MINDY4: variants seen among roughly 807,000 people sequenced by gnomAD.
The protein encoded by MINDY4 is probable ubiquitin carboxyl-terminal hydrolase MINDY-4.
Under a neutral mutation model 87.0 loss-of-function variants are expected in MINDY4, and 68 were observed. The ratio of observed to expected loss-of-function variants is 0.78; its 90% CI spans 0.64 to 0.96. The LOEUF is 0.96. MINDY4 is among the 40% of genes least tolerant of loss of function. The pLI, the probability that MINDY4 is intolerant of heterozygous loss-of-function variation, is 0.00. For synonymous variants in MINDY4, 379 were observed against 363.2 expected, an observed-to-expected ratio of 1.04 and a Z score of -0.50; for missense variants, 919 against 928.2, an observed-to-expected ratio of 0.99 and a Z score of 0.13.
At chr7:30,789,242 C>T (rs954363509) in intron 4 of MINDY4, among the ~76,000 whole-genome samples, 11 of 152,172 alleles carry the variant, frequency 7.2e-5, no homozygotes, top group Admixed American at 3.9e-4. Flanking sequence ...AGTGGAGATG[C>T]CCTTTATACC....
intron 5 of MINDY4, among the ~76,000 whole-genome samples, chr7:30,815,824 G>C (rs1394437423): frequency 2.6e-5 from 4 of 152,324 alleles, no homozygotes; most frequent in East Asian, 3.9e-4. Flanking sequence ...AGGGCAGGGA[G>C]GTGTGAACTG....
intron 15 of MINDY4, 90 bp downstream of exon 15, chr7:30,875,746 C>G: frequency 5.7e-6 from 8 of 1,398,704 alleles, no homozygotes; most frequent in Non-Finnish European, 7.7e-6. Context: ...CTGGACTCCA[C>G]TTCTCAGAGC....
At chr7:30,782,534 T>C (rs1212211816) in intron 3 of MINDY4, among the ~76,000 whole-genome samples, 4 of 152,076 alleles carry the variant, frequency 2.6e-5, no homozygotes, top group African/African-American at 4.8e-5. Context: ...AGACCCTGTC[T>C]CTACAACAAC....
At chr7:30,889,114 A>G in intron 17 of MINDY4, among the ~76,000 whole-genome samples, 1 of 152,118 alleles carries the variant, frequency 6.6e-6, no homozygotes, top group Non-Finnish European at 1.5e-5. Flanking sequence ...CCCTTCTGCC[A>G]CCCTCTGGGA....
intron 10 of MINDY4, 67 bp downstream of exon 10, chr7:30,850,622 G>A: frequency 7.1e-7 from 1 of 1,406,468 alleles, no homozygotes; most frequent in Non-Finnish European, 9.8e-7. Context: ...CAAGCTGGCT[G>A]TGTATGCTCC....
At chr7:30,778,619 GC>G in intron 2 of MINDY4, 68 bp downstream of exon 2, 1 of 1,585,228 alleles carries the variant, frequency 6.3e-7, no homozygotes, top group Non-Finnish European at 8.7e-7. Flanking sequence ...GCACTCATGG[GC>G]CCTGCCAGTG....
intron 6 of MINDY4, among the ~76,000 whole-genome samples, chr7:30,829,474 A>G (rs1788631359): frequency 1.3e-5 from 2 of 152,222 alleles, no homozygotes; most frequent in Non-Finnish European, 2.9e-5. Flanking sequence ...TGGGCAGACA[A>G]GAGCTGTTCA....
At chr7:30,853,857 C>A (rs906079007) in intron 12 of MINDY4, among the ~76,000 whole-genome samples, 2 of 152,210 alleles carry the variant, frequency 1.3e-5, no homozygotes, top group African/African-American at 4.8e-5. Flanking sequence ...GGTCCTGGGA[C>A]CAGCTGGTGA....
At chr7:30,839,173 C>A (rs896721917) in intron 7 of MINDY4, 27 bp from the exon 8 acceptor site, 6 of 1,467,054 alleles carry the variant, frequency 4.1e-6, no homozygotes, top group Middle Eastern at 1.8e-4. Context: ...TTAAAACAAC[C>A]AGTAAAACTC....
chr7:30,819,437 C>T (rs1788257305), intron 5 of MINDY4, among the ~76,000 whole-genome samples: 1 of 152,150 alleles, frequency 6.6e-6, no homozygotes, highest in South Asian at 2.1e-4. Context: ...AATATTTATA[C>T]ATTTGTGCTT....
intron 5 of MINDY4, among the ~76,000 whole-genome samples, chr7:30,798,132 T>C (rs1787547211): frequency 6.6e-6 from 1 of 152,156 alleles, no homozygotes; most frequent in Non-Finnish European, 1.5e-5. Flanking sequence ...TTGCTCCTAG[T>C]ATACACACCT....
intron 6 of MINDY4, among the ~76,000 whole-genome samples, chr7:30,830,761 G>A (rs1157596409): frequency 2.0e-5 from 3 of 152,190 alleles, no homozygotes; most frequent in African/African-American, 7.2e-5. Context: ...AGTTCTGGAA[G>A]CTTCCATAGT....
intron 14 of MINDY4, 121 bp downstream of exon 14, chr7:30,872,427 C>T: frequency 1.1e-6 from 1 of 892,290 alleles, no homozygotes; most frequent in South Asian, 1.6e-5. Flanking sequence ...TCTGCCAACA[C>T]TCTTCAAGCA....
intron 5 of MINDY4, among the ~76,000 whole-genome samples, chr7:30,795,182 C>A (rs993199094): frequency 6.6e-6 from 1 of 152,198 alleles, no homozygotes; most frequent in Non-Finnish European, 1.5e-5. Context: ...CATGGACACT[C>A]CTACAGTTGG....
At chr7:30,792,577 T>C (rs772025594) in intron 5 of MINDY4, among the ~76,000 whole-genome samples, 1 of 152,232 alleles carries the variant, frequency 6.6e-6, no homozygotes, top group Non-Finnish European at 1.5e-5. Context: ...TTGTGTAAGT[T>C]TTGGCAAGTT....
chr7:30,877,287 C>T (rs1022343603), intron 15 of MINDY4, among the ~76,000 whole-genome samples: 1 of 152,132 alleles, frequency 6.6e-6, no homozygotes, highest in Non-Finnish European at 1.5e-5. Flanking sequence ...TGGTTTCATT[C>T]TTGGGTCGAG....
chr7:30,793,520 A>G (rs749934952), intron 5 of MINDY4, among the ~76,000 whole-genome samples: 6 of 152,050 alleles, frequency 3.9e-5, no homozygotes, highest in Non-Finnish European at 5.9e-5. Flanking sequence ...CGCTCAGGCA[A>G]TCCTCCCACC....
chr7:30,788,867 A>G (rs1290581687), intron 4 of MINDY4, among the ~76,000 whole-genome samples: 2 of 151,754 alleles, frequency 1.3e-5, no homozygotes, highest in Non-Finnish European at 2.9e-5. Flanking sequence ...TGGAGAGTCT[A>G]AGGGCATAAA....
At position 30,798,419 on chromosome 7, in the gene MINDY4, CTGAAA is replaced by C. The variant is rs527759994; in HGVS notation, c.1073+6850_1073+6854del. On this transcript the variant is annotated intron_variant, in intron 5 of 17. Transcript: ENST00000265299. Reference sequence around the variant, plus strand: ...ACTGTAAGAGGGGGGTTGCCGTTCCCTGAAATGAAGACTGTGGGAGAAGCAGGTTT... The same window carrying C: ...ACTGTAAGAGGGGGGTTGCCGTTCCCTGAAGACTGTGGGAGAAGCAGGTTT... 3.3e-5 allele frequency among the ~76,000 whole-genome samples: 5 copies of C among 152,192 alleles called. No homozygotes were observed. In the South Asian group the frequency reaches 1.0e-3, roughly 32 times the overall value.
Sources: allele counts gnomAD v4.1 joint callset (sites outside exome capture counted in the v4.1 genomes callset), GRCh38; gene constraint gnomAD v4.1.1; transcripts MANE v1.5; gene names NCBI Gene and HGNC (gene_info 2026-07-23, HGNC 2026-07-21).